ZBTB43: variants seen among roughly 807,000 people sequenced by gnomAD.
The protein encoded by ZBTB43 is zinc finger and BTB domain-containing protein 43.
ZBTB43 carries 6 observed loss-of-function variants against 31.1 expected under a neutral mutation model. That is an observed-to-expected ratio of 0.19 (90% CI 0.11 to 0.38). The LOEUF is 0.38. Among genes scored for constraint, ZBTB43 ranks in the 10% least tolerant of loss-of-function variants. The pLI is 1.00. For synonymous variants in ZBTB43, 212 were observed against 221.7 expected, an observed-to-expected ratio of 0.96 and a Z score of 0.39; for missense variants, 379 against 602.1, an observed-to-expected ratio of 0.63 and a Z score of 3.88.
Position 126,832,896 on chromosome 9 carries a change from C to T in ZBTB43, c.387C>T (p.Val129=), listed in dbSNP as rs768924327. The T allele has an allele frequency of 2.4e-5, 39 of 1,613,956 alleles. No homozygotes were observed. The highest frequency in any genetic ancestry group is 3.2e-5 in the Non-Finnish European group (38 of 1,180,016). The change falls in exon 3 of 3, where the codon GTC becomes GTT. Residue 129 remains valine (V), a synonymous_variant. Transcript: ENST00000373464. ...CTEVLEGNPT[V]LCQKLNHGSD... ...AAGTTTTAGAGGGAAACCCTACAGT[C>T]CTTTGTCAGAAGCTAAATCATGGCA...
chr9:126,832,346 A>G (rs1356607531), intron 2 of ZBTB43, 141 bp from the exon 3 acceptor site: 8 of 745,440 alleles, frequency 1.1e-5, no homozygotes, highest in Middle Eastern at 3.8e-4. Flanking sequence ...GCTTTGCTCT[A>G]GGGATTGAAT....
intron 2 of ZBTB43, among the ~76,000 whole-genome samples, chr9:126,814,659 G>A (rs1055420037): frequency 2.0e-5 from 3 of 152,072 alleles, no homozygotes; most frequent in Non-Finnish European, 4.4e-5. Flanking sequence ...CGGGCATGGT[G>A]GTGGATGCCC....
intron 2 of ZBTB43, among the ~76,000 whole-genome samples, chr9:126,815,689 G>T (rs2032371202): frequency 7.1e-6 from 1 of 141,694 alleles, no homozygotes; most frequent in South Asian, 2.2e-4. Context: ...TTCCCTGTCT[G>T]TACCTAACAT....
At chr9:126,826,287 C>T (rs1483734984) in intron 2 of ZBTB43, among the ~76,000 whole-genome samples, 1 of 151,716 alleles carries the variant, frequency 6.6e-6, no homozygotes, top group Non-Finnish European at 1.5e-5. Flanking sequence ...GCTGGGATTA[C>T]AGGCATGAGC....
intron 1 of ZBTB43, among the ~76,000 whole-genome samples, chr9:126,806,160 C>T (rs184805940): frequency 5.5e-4 from 84 of 152,298 alleles, no homozygotes; most frequent in African/African-American, 1.9e-3. Flanking sequence ...CTCCAGGGAT[C>T]TCTGGAGCCT....
intron 2 of ZBTB43, among the ~76,000 whole-genome samples, chr9:126,818,693 C>T (rs531670701): frequency 6.6e-6 from 1 of 152,128 alleles, no homozygotes; most frequent in African/African-American, 2.4e-5. Context: ...GTTGAACTAT[C>T]CTTGCATTCC....
intron 2 of ZBTB43, 69 bp from the exon 3 acceptor site, chr9:126,832,418 A>G (rs2032783732): frequency 4.2e-6 from 6 of 1,416,468 alleles, no homozygotes; most frequent in African/African-American, 1.4e-5. Context: ...TTGTCTTAAC[A>G]ATGGAGGAGG....
Position 126,820,706 on chromosome 9 carries a change from A to G in ZBTB43, c.-23-11781A>G, listed in dbSNP as rs184475102. On this transcript the variant is annotated intron_variant, in intron 2 of 2. Transcript: ENST00000373464. Reference sequence around the variant, plus strand: ...TTTTGAGCCAGGTGCAGCAGCTCACACCTGTAATCCTAGCACTTCGGGAGG... The same window carrying G: ...TTTTGAGCCAGGTGCAGCAGCTCACGCCTGTAATCCTAGCACTTCGGGAGG... Among the ~76,000 whole-genome samples the G allele has an allele frequency of 4.6e-5, 7 of 152,202 alleles. 1 individual carries two copies. The highest frequency in any genetic ancestry group is 1.7e-4 in the African/African-American group (7 of 41,528).
chr9:126,810,678 T>G (rs2032227681), intron 2 of ZBTB43, among the ~76,000 whole-genome samples: 2 of 151,266 alleles, frequency 1.3e-5, no homozygotes, highest in South Asian at 4.2e-4. Context: ...TTTTTTTTTG[T>G]ACTTTTAGTA....
Position 126,833,775 on chromosome 9 carries a change from C to T in ZBTB43, c.1266C>T (p.His422=). The change falls in exon 3 of 3, where the codon CAC becomes CAT. Residue 422 remains histidine, a synonymous_variant. Coordinates refer to ENST00000373464, the MANE Select transcript of ZBTB43 (RefSeq NM_014007.4). This position sits in a 1 kb window ranked among gnomAD's most constrained non-coding sequence, Gnocchi z 7.9. Reference sequence around the variant, plus strand: ...ATCTCGTGGGCCACATGAAAATTCACACAGGCATAAAGCCGTATGAGTGTA... The same window carrying T: ...ATCTCGTGGGCCACATGAAAATTCATACAGGCATAAAGCCGTATGAGTGTA... ...KHHLVGHMKI[H]TGIKPYECNI... is the part of the protein sequence containing the mutation. 6.2e-7 allele frequency: 1 copy of T among 1,611,784 alleles called. No homozygotes were observed.
At chr9:126,827,168 T>C (rs2032659625) in intron 2 of ZBTB43, among the ~76,000 whole-genome samples, 1 of 151,962 alleles carries the variant, frequency 6.6e-6, no homozygotes, top group African/African-American at 2.4e-5. Flanking sequence ...TTCTCTCTTA[T>C]CCGTGCAAAC....
intron 2 of ZBTB43, among the ~76,000 whole-genome samples, chr9:126,828,709 C>T (rs1462479510): frequency 6.7e-6 from 1 of 148,398 alleles, no homozygotes; most frequent in Non-Finnish European, 1.5e-5. Flanking sequence ...CTATATCTGA[C>T]ACAAACCCTG....
chr9:126,815,636 A>C (rs1305171590), intron 2 of ZBTB43, among the ~76,000 whole-genome samples: 1 of 125,670 alleles, frequency 8.0e-6, no homozygotes, highest in African/African-American at 3.0e-5. Context: ...TAGATGTTTT[A>C]TTTGGGTCTC....
intron 2 of ZBTB43, among the ~76,000 whole-genome samples, chr9:126,824,209 T>C (rs2032580235): frequency 6.6e-6 from 1 of 152,180 alleles, no homozygotes. Context: ...GGTTTTTTGG[T>C]AGAAATGGGG....
intron 2 of ZBTB43, among the ~76,000 whole-genome samples, chr9:126,819,947 A>C (rs117966480): frequency 0.011 from 1,737 of 152,344 alleles, 13 homozygotes; most frequent in Non-Finnish European, 0.018. Flanking sequence ...CATTCCTTTA[A>C]GCCAAAGCCG....
At chr9:126,819,800 A>G (rs2032472049) in intron 2 of ZBTB43, among the ~76,000 whole-genome samples, 2 of 152,224 alleles carry the variant, frequency 1.3e-5, no homozygotes, top group Admixed American at 1.3e-4. Flanking sequence ...AAACAGCCAA[A>G]TTGTGAATGC....
intron 2 of ZBTB43, among the ~76,000 whole-genome samples, chr9:126,809,785 T>C (rs2032202560): frequency 6.6e-6 from 1 of 152,062 alleles, no homozygotes; most frequent in South Asian, 2.1e-4. Context: ...TTAGAACTGT[T>C]GCTATTGGAT....
At chr9:126,828,581 C>A (rs1197457545) in intron 2 of ZBTB43, among the ~76,000 whole-genome samples, 1 of 148,498 alleles carries the variant, frequency 6.7e-6, no homozygotes, top group Non-Finnish European at 1.5e-5. Context: ...TTGCTTGAGC[C>A]CAGGAGTTTC....
intron 2 of ZBTB43, among the ~76,000 whole-genome samples, chr9:126,815,507 T>C (rs908329350): frequency 1.1e-4 from 17 of 151,514 alleles, no homozygotes; most frequent in South Asian, 4.1e-4. Flanking sequence ...CCTTTTTTTT[T>C]CCTCTGTATG....
Sources: gnomAD v4.1 joint callset for allele counts (sites outside exome capture counted in the v4.1 genomes callset) on GRCh38, gnomAD v4.1.1 for gene constraint, Gnocchi (gnomAD v3.1) non-coding constraint, MANE v1.5 for transcripts, NCBI Gene and HGNC (gene_info 2026-07-23, HGNC 2026-07-21) for gene names.